Variants in C8orf89 observed in about 807,000 individuals in gnomAD.
C8orf89 encodes putative uncharacterized protein C8orf89.
C8orf89 carries 14 observed loss-of-function variants against 15.8 expected under a neutral mutation model. The ratio of observed to expected loss-of-function variants is 0.89; its 90% CI spans 0.59 to 1.39. The LOEUF (loss-of-function observed/expected upper bound fraction) is 1.39, where lower values mean the gene tolerates loss of function less well. C8orf89 is among the 40% of genes most tolerant of loss of function. The probability of loss-of-function intolerance (pLI) is 0.00; values close to 1 mark genes in which losing one functional copy is unlikely to be tolerated. For missense variants in C8orf89, 181 were observed against 184.5 expected (o/e 0.98, Z 0.11); for synonymous variants, 55 against 62.2 (o/e 0.88, Z 0.54).
chr8:73,263,384 G>T (rs949016999), upstream of C8orf89, among the ~76,000 whole-genome samples: 2 of 152,012 alleles, frequency 1.3e-5, no homozygotes, highest in Non-Finnish European at 2.9e-5. Context: ...GTGTGGTGGT[G>T]CACACCTGTA....
At chr8:73,242,328 G>A (rs140863263) in intron 3 of C8orf89, among the ~76,000 whole-genome samples, 2,072 of 152,170 alleles carry the variant, frequency 0.014, 58 homozygotes, top group African/African-American at 0.048. Context: ...TTTTAAAATG[G>A]GCAAAAGGGG....
the C8orf89 span, among the ~76,000 whole-genome samples, chr8:73,275,138 A>C: frequency 6.6e-6 from 1 of 151,852 alleles, no homozygotes; most frequent in African/African-American, 2.4e-5. Flanking sequence ...TTCTCCATGT[A>C]CTAATCTTAA....
the C8orf89 span, chr8:73,278,091 T>A: frequency 2.6e-6 from 1 of 381,358 alleles, no homozygotes; most frequent in Admixed American, 3.6e-5. Context: ...TTGGGGTGTG[T>A]GTCTGCCTGG....
At chr8:73,244,885 A>G (rs1332681629) in intron 3 of C8orf89, among the ~76,000 whole-genome samples, 1 of 152,226 alleles carries the variant, frequency 6.6e-6, no homozygotes, top group Non-Finnish European at 1.5e-5. Flanking sequence ...TAAATTTAAA[A>G]TTCTGAAATA....
the C8orf89 span, among the ~76,000 whole-genome samples, chr8:73,270,626 C>T: frequency 6.6e-6 from 1 of 152,118 alleles, no homozygotes; most frequent in African/African-American, 2.4e-5. Context: ...AAAAAATAGT[C>T]CAGACGTGGT....
intron 3 of C8orf89, among the ~76,000 whole-genome samples, chr8:73,246,886 T>C (rs1384810523): frequency 1.3e-5 from 2 of 152,324 alleles, no homozygotes; most frequent in East Asian, 3.9e-4. Flanking sequence ...ATAGAAGCAT[T>C]ACTTAGTAAT....
chr8:73,256,718 C>A (rs1203957622), intron 2 of C8orf89, among the ~76,000 whole-genome samples: 1 of 108,622 alleles, frequency 9.2e-6, no homozygotes, highest in East Asian at 2.9e-4. Flanking sequence ...AACAGCGAGA[C>A]TCTGTCTCAA....
chr8:73,259,454 G>T lies in C8orf89; in HGVS notation c.5C>A (p.Ser2Ter). 6.5e-7 allele frequency: 1 copy of T among 1,526,814 alleles called. No homozygotes were observed. Among genetic ancestry groups the T allele is most frequent in the South Asian group, 1.2e-5 (1 of 81,488 alleles). The allele number at this position is 1,526,814 out of a possible 1,614,324, so 94.6% of individuals were successfully genotyped here. Residue 2 changes from serine to a stop codon, truncating the protein, a stop_gained, in exon 1 of 4, where the codon TCA (serine) becomes TAA (stop). Transcript: ENST00000624510. LOFTEE classifies it high-confidence loss of function. The part of the protein sequence containing the change: M[S>*]VLSPEIKCET... ...ACATTTGATTTCAGGAGATAGCACT[G>T]ACATTTTTTCTTCTTTCAACAGTGC... is the stretch of plus-strand genomic sequence containing the variant.
chr8:73,261,013 C>T (rs570363406), upstream of C8orf89, among the ~76,000 whole-genome samples: 6 of 152,268 alleles, frequency 3.9e-5, no homozygotes, highest in African/African-American at 1.4e-4. Context: ...AAACATTAGA[C>T]TCCAAGTTCT....
In C8orf89 at chr8:73,257,036, C is replaced by A; in HGVS notation, c.218G>T (p.Ser73Ile). 1 of 1,535,880 alleles carries A rather than the reference C, an allele frequency of 6.5e-7. No homozygotes were observed. The highest frequency in any genetic ancestry group is 8.7e-7 in the Non-Finnish European group (1 of 1,146,764). Residue 73 changes from serine (S) to isoleucine (I), a missense_variant, in exon 2 of 4, where the codon AGT (serine) becomes ATT (isoleucine). Physicochemically the swap from Ser to Ile is moderately radical, Grantham distance 142 (BLOSUM62 -2). Transcript: ENST00000624510. ...PGLQSCQKSV[S>I]STPLEVPKRL... ...TTTAGGAACCTCTAGTGGAGTTGAA[C>A]TTACACTTTTTTGGCAACTTTGCAG...
At chr8:73,276,637 T>A in the C8orf89 span, among the ~76,000 whole-genome samples, 2 of 152,230 alleles carry the variant, frequency 1.3e-5, no homozygotes, top group Admixed American at 6.5e-5. Flanking sequence ...GAAATTATTA[T>A]TATATAACAA....
At chr8:73,259,187 C>T in intron 1 of C8orf89, 145 bp downstream of exon 1, 2 of 515,446 alleles carry the variant, frequency 3.9e-6, no homozygotes, top group East Asian at 3.4e-5. Flanking sequence ...TTTTAGTTTG[C>T]TTCCATTTTT....
chr8:73,249,927 G>C (rs1205167211), intron 3 of C8orf89, among the ~76,000 whole-genome samples: 2 of 152,154 alleles, frequency 1.3e-5, no homozygotes, highest in African/African-American at 4.8e-5. Context: ...GAGTCATTCT[G>C]TTTGAAGAAG....
intron 2 of C8orf89, 65 bp from the exon 3 acceptor site, chr8:73,250,388 G>T: frequency 1.2e-6 from 1 of 866,442 alleles, no homozygotes; most frequent in Non-Finnish European, 1.8e-6. Context: ...AAACTCACTT[G>T]TTGAATAACA....
chr8:73,274,467 G>T, the C8orf89 span, among the ~76,000 whole-genome samples: 2 of 151,906 alleles, frequency 1.3e-5, no homozygotes, highest in African/African-American at 2.4e-5. Flanking sequence ...TCTTTTTTAG[G>T]TTATCTTTTG....
At chr8:73,282,038 A>G in the C8orf89 span, among the ~76,000 whole-genome samples, 3 of 152,204 alleles carry the variant, frequency 2.0e-5, no homozygotes, top group Admixed American at 6.5e-5. Flanking sequence ...GCAAGAAATA[A>G]CTTTTCTATG....
At chr8:73,250,548 T>C (rs879866044) in intron 2 of C8orf89, among the ~76,000 whole-genome samples, 1 of 152,166 alleles carries the variant, frequency 6.6e-6, no homozygotes, top group Non-Finnish European at 1.5e-5. Flanking sequence ...CAGACCTTTA[T>C]CATACCTCTC....
the C8orf89 span, among the ~76,000 whole-genome samples, chr8:73,283,754 T>C: frequency 2.6e-5 from 4 of 152,294 alleles, no homozygotes; most frequent in South Asian, 8.3e-4. Context: ...AGAATGTCTA[T>C]TGTGGCTGGG....
chr8:73,280,426 A>G, the C8orf89 span, among the ~76,000 whole-genome samples: 1 of 152,292 alleles, frequency 6.6e-6, no homozygotes, highest in African/African-American at 2.4e-5. Flanking sequence ...GCTGGAGTGC[A>G]GTGGCACGAT....
Sources: gnomAD v4.1 joint callset for allele counts (sites outside exome capture counted in the v4.1 genomes callset) on GRCh38, gnomAD v4.1.1 for gene constraint, MANE v1.5 for transcripts, NCBI Gene and HGNC (gene_info 2026-07-23, HGNC 2026-07-21) for gene names.